FRMPD4: variants seen among roughly 807,000 people sequenced by gnomAD.
The protein encoded by FRMPD4 is FERM and PDZ domain containing 4.
FRMPD4 carries 22 observed loss-of-function variants against 94.1 expected under a neutral mutation model. That is an observed-to-expected ratio of 0.23 (90% CI 0.17 to 0.33). The LOEUF is 0.33. Ranked by LOEUF, FRMPD4 falls within the 10% of genes least tolerant of loss-of-function variation. The pLI is 1.00. For synonymous variants in FRMPD4, 631 were observed against 548.6 expected (o/e 1.15, Z -2.10); for missense variants, 1,111 against 1,339.9 (o/e 0.83, Z 2.67).
At chrX:12,526,766 A>C (rs957832737) in intron 2 of FRMPD4, among the ~76,000 whole-genome samples, 1 of 112,405 alleles carries the variant, frequency 8.9e-6, no homozygotes, top group Non-Finnish European at 1.9e-5. Flanking sequence ...CAACTTCCAG[A>C]AGTTATCATA....
chrX:12,256,526 G>A (rs1175049150), intron 1 of FRMPD4, among the ~76,000 whole-genome samples: 1 of 111,793 alleles, frequency 8.9e-6, no homozygotes, highest in Non-Finnish European at 1.9e-5. Flanking sequence ...TCATTGCAGG[G>A]CATTCTTAAT....
intron 3 of FRMPD4, among the ~76,000 whole-genome samples, chrX:11,957,112 C>T (rs753962653): frequency 1.8e-5 from 2 of 112,417 alleles, no homozygotes; most frequent in East Asian, 5.5e-4. Flanking sequence ...TGAAGATTAA[C>T]AACTTCCTAG....
intron 2 of FRMPD4, among the ~76,000 whole-genome samples, chrX:12,520,320 T>C (rs1447864009): frequency 9.0e-6 from 1 of 111,730 alleles, no homozygotes; most frequent in Non-Finnish European, 1.9e-5. Context: ...GTATCTAAAG[T>C]AGTCATATGG....
At chrX:12,220,521 G>T (rs901150746) in intron 1 of FRMPD4, among the ~76,000 whole-genome samples, 1 of 111,807 alleles carries the variant, frequency 8.9e-6, no homozygotes, top group African/African-American at 3.3e-5. Flanking sequence ...TACCAAGCAG[G>T]ATTGATTTAA....
intron 3 of FRMPD4, among the ~76,000 whole-genome samples, chrX:11,932,331 G>A (rs981096389): frequency 1.1e-4 from 12 of 111,764 alleles, no homozygotes; most frequent in African/African-American, 2.9e-4. Context: ...TTCTTCATTC[G>A]TAAATCACAC....
chrX:12,044,620 T>C (rs1298220237), intron 3 of FRMPD4, among the ~76,000 whole-genome samples: 1 of 112,071 alleles, frequency 8.9e-6, no homozygotes, highest in Non-Finnish European at 1.9e-5. Flanking sequence ...AGTGTGGTTT[T>C]CTATGCCACT....
intron 3 of FRMPD4, among the ~76,000 whole-genome samples, chrX:12,611,355 A>G (rs1412436752): frequency 8.9e-6 from 1 of 112,277 alleles, no homozygotes; most frequent in Non-Finnish European, 1.9e-5. Context: ...AGACTCTGGC[A>G]TCAGACTGCC....
intron 1 of FRMPD4, among the ~76,000 whole-genome samples, chrX:12,211,655 A>G (rs2056756426): frequency 8.9e-6 from 1 of 112,190 alleles, no homozygotes; most frequent in Non-Finnish European, 1.9e-5. Flanking sequence ...TTTCAAAGGT[A>G]GTTAAACACC....
At chrX:12,597,183 G>C (rs1357340787) in intron 2 of FRMPD4, among the ~76,000 whole-genome samples, 2 of 112,318 alleles carry the variant, frequency 1.8e-5, no homozygotes, top group Non-Finnish European at 3.8e-5. Context: ...TAACAGAATT[G>C]ATTACCAGCC....
intron 3 of FRMPD4, among the ~76,000 whole-genome samples, chrX:11,898,676 A>T (rs1315772744): frequency 8.9e-6 from 1 of 112,578 alleles, no homozygotes; most frequent in Non-Finnish European, 1.9e-5. Context: ...AATTTAAAAT[A>T]ATATTAATTA....
intron 1 of FRMPD4, among the ~76,000 whole-genome samples, chrX:12,180,557 A>T (rs1220922648): frequency 2.7e-5 from 3 of 112,313 alleles, no homozygotes; most frequent in African/African-American, 9.7e-5. Context: ...TAGGTTACAT[A>T]TTGATAAAAT....
intron 1 of FRMPD4, among the ~76,000 whole-genome samples, chrX:12,187,803 G>A (rs758051868): frequency 1.3e-4 from 15 of 111,486 alleles, no homozygotes; most frequent in Non-Finnish European, 2.3e-4. Flanking sequence ...ACATACATTT[G>A]TGTGTATACA....
At chrX:12,582,045 T>C (rs900162654) in intron 2 of FRMPD4, among the ~76,000 whole-genome samples, 2 of 112,416 alleles carry the variant, frequency 1.8e-5, no homozygotes, top group African/African-American at 6.5e-5. Context: ...TGTGTATGCT[T>C]GTCTGCTGTC....
intron 3 of FRMPD4, among the ~76,000 whole-genome samples, chrX:12,053,370 GAAA>G (rs2054831394): frequency 4.5e-4 from 24 of 52,842 alleles, no homozygotes; most frequent in East Asian, 3.2e-3. Context: ...AAGAAAGAAA[GAAA>G]GAAAGAAAGA....
intron 1 of FRMPD4, among the ~76,000 whole-genome samples, chrX:12,300,973 G>C (rs6640964): frequency 0.18 from 19,911 of 111,245 alleles, 1,647 homozygotes; most frequent in Admixed American, 0.42. Flanking sequence ...GCACTCCCTT[G>C]TGTCCTGCCC....
At chrX:12,163,790 A>G (rs917874509) in intron 1 of FRMPD4, among the ~76,000 whole-genome samples, 1 of 112,207 alleles carries the variant, frequency 8.9e-6, no homozygotes, top group Non-Finnish European at 1.9e-5. Flanking sequence ...CCCGCCTTTG[A>G]TTACTTTATA....
At chrX:12,597,894 G>A (rs190292491) in intron 2 of FRMPD4, among the ~76,000 whole-genome samples, 2 of 112,291 alleles carry the variant, frequency 1.8e-5, no homozygotes, top group African/African-American at 3.2e-5. Flanking sequence ...GAATGTCTCA[G>A]TTGAGATAAA....
At chrX:12,695,466 A>G (rs1165769619) in intron 9 of FRMPD4, among the ~76,000 whole-genome samples, 2 of 111,366 alleles carry the variant, frequency 1.8e-5, no homozygotes, top group Admixed American at 9.5e-5. Flanking sequence ...GTGCAATGGC[A>G]TGACCTTGGC....
chrX:12,327,415 C>T (rs1012271777), intron 1 of FRMPD4, among the ~76,000 whole-genome samples: 1 of 111,915 alleles, frequency 8.9e-6, no homozygotes, highest in African/African-American at 3.2e-5. Flanking sequence ...CATCCCAAGT[C>T]AGAGTTGGTA....
Sources: gnomAD v4.1 joint callset for allele counts (sites outside exome capture counted in the v4.1 genomes callset) on GRCh38, gnomAD v4.1.1 for gene constraint, MANE v1.5 for transcripts, NCBI Gene and HGNC (gene_info 2026-07-23, HGNC 2026-07-21) for gene names.